The following CDH20 variants were observed in gnomAD, a reference collection of about 807,000 sequenced individuals.
The protein encoded by CDH20 is cadherin-20.
In CDH20, 29 loss-of-function variants were observed where a neutral mutation model predicts 74.2. The ratio of observed to expected loss-of-function variants is 0.39; its 90% confidence interval spans 0.29 to 0.53. The LOEUF (loss-of-function observed/expected upper bound fraction) is 0.53, where lower values mean the gene tolerates loss of function less well. Ranked by LOEUF, CDH20 falls within the 20% of genes least tolerant of loss-of-function variation. The probability of loss-of-function intolerance (pLI) is 0.69; values close to 1 mark genes in which losing one functional copy is unlikely to be tolerated. For missense variants in CDH20, 988 were observed against 1,048.3 expected, an observed-to-expected ratio of 0.94 and a Z score of 0.79; for synonymous variants, 469 against 405.4, an observed-to-expected ratio of 1.16 and a Z score of -1.88.
At chr18:61,465,759 C>G (rs1909939406) in intron 1 of CDH20, among the ~76,000 whole-genome samples, 1 of 152,060 alleles carries the variant, frequency 6.6e-6, no homozygotes. Flanking sequence ...TTATGCATTT[C>G]TAATTCTATT....
At chr18:61,344,706 G>A (rs1910060220) in intron 1 of CDH20, among the ~76,000 whole-genome samples, 1 of 152,114 alleles carries the variant, frequency 6.6e-6, no homozygotes, top group Non-Finnish European at 1.5e-5. Flanking sequence ...AAATGTCTAT[G>A]GAAGAAAGAT....
chr18:61,475,610 G>A (rs115025209), intron 1 of CDH20, among the ~76,000 whole-genome samples: 1,914 of 152,218 alleles, frequency 0.013, 44 homozygotes, highest in African/African-American at 0.044. Context: ...AAATCTCAAT[G>A]CTTAGTGACC....
At chr18:61,487,723 G>A (rs908760746) in intron 1 of CDH20, among the ~76,000 whole-genome samples, 7 of 152,138 alleles carry the variant, frequency 4.6e-5, no homozygotes, top group Admixed American at 1.3e-4. Flanking sequence ...CAACCTGACC[G>A]CCTACAAAAT....
At chr18:61,549,749 A>G in intron 10 of CDH20, 1 of 543,320 alleles carries the variant, frequency 1.8e-6, no homozygotes, top group East Asian at 3.0e-5. Flanking sequence ...TCAAAAAAAA[A>G]AGAGGCTTTC....
intron 11 of CDH20, among the ~76,000 whole-genome samples, chr18:61,553,397 G>C (rs981335428): frequency 6.6e-6 from 1 of 152,140 alleles, no homozygotes; most frequent in Admixed American, 6.5e-5. Flanking sequence ...CATTCTAGGG[G>C]GGAAAAATGC....
chr18:61,451,644 C>A (rs1358657742), intron 1 of CDH20, among the ~76,000 whole-genome samples: 6 of 151,778 alleles, frequency 4.0e-5, no homozygotes, highest in Admixed American at 3.9e-4. Context: ...CAATAAGCCA[C>A]ATATCAGATT....
At chr18:61,541,344 T>C (rs1032884033) in intron 9 of CDH20, among the ~76,000 whole-genome samples, 1 of 151,810 alleles carries the variant, frequency 6.6e-6, no homozygotes, top group South Asian at 2.1e-4. Flanking sequence ...TTTGTTATGA[T>C]AAAATAAGCT....
At chr18:61,492,098 T>C (rs1436206988) in intron 2 of CDH20, among the ~76,000 whole-genome samples, 1 of 152,092 alleles carries the variant, frequency 6.6e-6, no homozygotes, top group East Asian at 1.9e-4. Flanking sequence ...ACATGTGACA[T>C]CTCCACATCT....
Position 61,363,312 on chromosome 18 carries a change from C to T in CDH20, c.-153+29485C>T, listed in dbSNP as rs118160448. Among the ~76,000 whole-genome samples, 117 of 152,220 alleles carry T rather than the reference C, an allele frequency of 7.7e-4. No individual in the cohort carries two copies. The East Asian group carries it at 0.019, about 25-fold the overall frequency. The stretch of plus-strand genomic sequence containing the variant: ...TTACAGAAGCCCTCGGTGCAGATCT[C>T]TTTATTGAGCTGTGTACTTTTTATG... On this transcript the variant is annotated intron_variant, in intron 1 of 11. Transcript: ENST00000262717.
chr18:61,528,230 C>A lies in CDH20; in HGVS notation c.1271+10C>A. 6.2e-7 allele frequency: 1 copy of A among 1,612,144 alleles called. No individual in the cohort carries two copies. Among genetic ancestry groups the A allele is most frequent in the Non-Finnish European group, 8.5e-7 (1 of 1,178,498 alleles). Reference sequence around the variant, plus strand: ...CCAACAACTCAATCAGGTTTTTCCACAGATTTCACCTTTTCCTTATATGCT... The same window carrying A: ...CCAACAACTCAATCAGGTTTTTCCAAAGATTTCACCTTTTCCTTATATGCT... On this transcript the variant is annotated intron_variant, in intron 7 of 11. Coordinates refer to ENST00000262717, the MANE Select transcript of CDH20 (RefSeq NM_031891.4).
chr18:61,503,162 G>A (rs1911444749), intron 5 of CDH20, 42 bp downstream of exon 5: 2 of 1,474,592 alleles, frequency 1.4e-6, no homozygotes, highest in East Asian at 4.8e-5. Context: ...CGGGCCCAGA[G>A]GGACGCACCC....
chr18:61,499,558 A>C, intron 3 of CDH20, 78 bp downstream of exon 3: 1 of 1,104,574 alleles, frequency 9.1e-7, no homozygotes, highest in South Asian at 1.5e-5. Context: ...GCACATGCAC[A>C]CACACATGTA....
At position 61,452,708 on chromosome 18, in the gene CDH20, C is replaced by T. The variant is rs112426400; in HGVS notation, c.-152-37694C>T. Among the ~76,000 whole-genome samples the T allele has an allele frequency of 2.4e-3, 372 of 152,240 alleles. 3 individuals are homozygous for T. Among genetic ancestry groups the T allele is most frequent in the African/African-American group, 8.5e-3 (355 of 41,542 alleles). ...TGAATTACTTGTATTTTTCCATCTA[C>T]ATGACAGCTATGTAACACTTGTATG... On this transcript the variant is annotated intron_variant, in intron 1 of 11. Coordinates refer to ENST00000262717, the MANE Select transcript of CDH20 (RefSeq NM_031891.4).
chr18:61,451,286 G>T (rs1384406029), intron 1 of CDH20, among the ~76,000 whole-genome samples: 1 of 151,954 alleles, frequency 6.6e-6, no homozygotes, highest in Non-Finnish European at 1.5e-5. Context: ...CTTGTAAAAT[G>T]TAGCCATTAT....
intron 1 of CDH20, among the ~76,000 whole-genome samples, chr18:61,420,301 A>G (rs1599072707): frequency 6.6e-6 from 1 of 151,658 alleles, no homozygotes; most frequent in African/African-American, 2.4e-5. Flanking sequence ...ATTCATGTCA[A>G]TGAAAATGAT....
intron 1 of CDH20, among the ~76,000 whole-genome samples, chr18:61,367,200 A>G (rs1216705500): frequency 6.6e-6 from 1 of 152,152 alleles, no homozygotes; most frequent in Non-Finnish European, 1.5e-5. Flanking sequence ...AAGCACGGCA[A>G]GTTCCTTTAA....
intron 6 of CDH20, among the ~76,000 whole-genome samples, chr18:61,515,271 T>C (rs1911952966): frequency 2.0e-5 from 3 of 152,158 alleles, no homozygotes; most frequent in African/African-American, 7.2e-5. Context: ...TTCCAGGTGC[T>C]GTCCGTCACC....
chr18:61,422,373 A>T (rs979405403), intron 1 of CDH20, among the ~76,000 whole-genome samples: 1 of 152,116 alleles, frequency 6.6e-6, no homozygotes, highest in Non-Finnish European at 1.5e-5. Context: ...TCTTGATATC[A>T]TTTAAATTAA....
Position 61,384,029 on chromosome 18 carries a change from G to C in CDH20, c.-153+50202G>C, listed in dbSNP as rs2144186384. Among the ~76,000 whole-genome samples, 3 of 152,266 alleles carry C rather than the reference G, an allele frequency of 2.0e-5. No homozygotes were observed. In the South Asian group the frequency reaches 6.2e-4, roughly 32 times the overall value. ...ACACCTTTCTTCTCTTTTCTGAAAAGAAACCATAAAACAAATCTGCTTATT... is the reference window on the plus strand; with the variant it reads ...ACACCTTTCTTCTCTTTTCTGAAAACAAACCATAAAACAAATCTGCTTATT... On this transcript the variant is annotated intron_variant, in intron 1 of 11. Coordinates refer to ENST00000262717, the MANE Select transcript of CDH20 (RefSeq NM_031891.4).
Sources: gnomAD v4.1 joint callset for allele counts (sites outside exome capture counted in the v4.1 genomes callset) on GRCh38, gnomAD v4.1.1 for gene constraint, MANE v1.5 for transcripts, NCBI Gene and HGNC (gene_info 2026-07-23, HGNC 2026-07-21) for gene names.